PTPN22: variants seen among roughly 807,000 people sequenced by gnomAD.
The protein encoded by PTPN22 is tyrosine-protein phosphatase non-receptor type 22.
A neutral mutation model predicts 103.3 loss-of-function variants in PTPN22; 85 were observed. That is an observed-to-expected ratio of 0.82 (90% confidence interval 0.69 to 0.99). PTPN22 has a LOEUF of 0.99. Among genes scored for constraint, PTPN22 ranks in the 50% least tolerant of loss-of-function variants. The probability of loss-of-function intolerance (pLI) is 0.00; values close to 1 mark genes in which losing one functional copy is unlikely to be tolerated. For missense variants in PTPN22, 865 were observed against 936.9 expected (o/e 0.92, Z 1.00); for synonymous variants, 323 against 310.2 (o/e 1.04, Z -0.43).
exon 13 of PTPN22, chr1:113,837,969 A>C: frequency 6.2e-7 from 1 of 1,614,150 alleles, no homozygotes; most frequent in Non-Finnish European, 8.5e-7. Flanking sequence ...AACAAGAATC[A>C]TGTGGTTGAG....
intron 11 of PTPN22, among the ~76,000 whole-genome samples, chr1:113,847,451 A>G (rs1333417597): frequency 1.4e-5 from 2 of 145,948 alleles, no homozygotes; most frequent in African/African-American, 5.1e-5. Flanking sequence ...GTTGTCACCT[A>G]TTGTCCTTAT....
rs74163650 is a variant in PTPN22, at chr1:113,852,023, A to G, written c.828+4T>C. 1.6e-5 allele frequency: 25 copies of G among 1,599,782 alleles called. No homozygotes were observed. In the South Asian group the frequency reaches 1.7e-4, roughly 11 times the overall value. On this transcript the variant is annotated splice_donor_region_variant and intron_variant, in intron 10 of 20. Coordinates refer to ENST00000359785, the Ensembl canonical transcript of PTPN22. ...TGTTCTGATCCATTCACTATAGTTC[A>G]TACCTGCGTTTGAACTAATGAAGGC... is the stretch of plus-strand genomic sequence containing the variant.
At chr1:113,814,794 T>A in exon 21 of PTPN22, 3 of 858,840 alleles carry the variant, frequency 3.5e-6, no homozygotes, top group East Asian at 4.9e-5. Flanking sequence ...CATTAGCATA[T>A]CTTCATATTT....
At chr1:113,851,460 T>C (rs2102061720) in intron 10 of PTPN22, among the ~76,000 whole-genome samples, 2 of 152,296 alleles carry the variant, frequency 1.3e-5, no homozygotes, top group East Asian at 1.9e-4. Context: ...GGCCCAATTA[T>C]GTTTTTTCTT....
intron 1 of PTPN22, among the ~76,000 whole-genome samples, chr1:113,868,190 G>A (rs1398324468): frequency 6.6e-6 from 1 of 152,112 alleles, no homozygotes; most frequent in East Asian, 1.9e-4. Context: ...GTACAAAGAT[G>A]TATGGCCAAG....
intron 1 of PTPN22, among the ~76,000 whole-genome samples, chr1:113,861,879 T>C (rs1214467146): frequency 6.6e-6 from 1 of 152,088 alleles, no homozygotes; most frequent in Non-Finnish European, 1.5e-5. Flanking sequence ...GAAGAAAAGA[T>C]ATGAGATCTA....
At chr1:113,822,900 A>G (rs1480453227) in intron 19 of PTPN22, among the ~76,000 whole-genome samples, 1 of 152,174 alleles carries the variant, frequency 6.6e-6, no homozygotes, top group Non-Finnish European at 1.5e-5. Context: ...GGGAGGTTGC[A>G]GTGAGCCGAG....
At chr1:113,833,991 A>G (rs771100386) in intron 15 of PTPN22, among the ~76,000 whole-genome samples, 7 of 152,206 alleles carry the variant, frequency 4.6e-5, no homozygotes, top group Non-Finnish European at 5.9e-5. Context: ...ATCTTCCTTG[A>G]TCACTTCCAA....
At chr1:113,857,802 T>TA in intron 4 of PTPN22, 26 bp from the exon 5 acceptor site, 1 of 1,590,214 alleles carries the variant, frequency 6.3e-7, no homozygotes, top group Non-Finnish European at 8.6e-7. Context: ...GATAGAAACT[T>TA]AAACATTCAT....
intron 20 of PTPN22, among the ~76,000 whole-genome samples, chr1:113,817,041 A>G (rs534055140): frequency 6.6e-6 from 1 of 152,292 alleles, no homozygotes; most frequent in African/African-American, 2.4e-5. Context: ...ATAAAAAAAA[A>G]TTGGTGGAGG....
At chr1:113,814,858 T>A (rs1284933190) in exon 21 of PTPN22, 2 of 1,356,408 alleles carry the variant, frequency 1.5e-6, no homozygotes, top group Non-Finnish European at 2.1e-6. Context: ...AGTAGTTTTA[T>A]TTGCAGGTGT....
At chr1:113,851,185 C>T (rs1664536439) in intron 10 of PTPN22, among the ~76,000 whole-genome samples, 1 of 150,544 alleles carries the variant, frequency 6.6e-6, no homozygotes, top group Non-Finnish European at 1.5e-5. Context: ...CAGAGTCTCA[C>T]TCTGTTACCC....
Position 113,853,428 on chromosome 1 carries a change from G to A in PTPN22, c.750+1043C>T, listed in dbSNP as rs571982136. On this transcript the variant is annotated intron_variant, in intron 9 of 20. Coordinates refer to ENST00000359785, the Ensembl canonical transcript of PTPN22. Reference sequence around the variant, plus strand: ...TACAATGGCATGATCTTGGCTCACTGCAACCTCCACCTCCCAGGTTCAAGT... The same window carrying A: ...TACAATGGCATGATCTTGGCTCACTACAACCTCCACCTCCCAGGTTCAAGT... 1.5e-3 allele frequency among the ~76,000 whole-genome samples: 205 copies of A among 136,778 alleles called. 1 individual carries two copies. The highest frequency in any genetic ancestry group is 5.6e-3 in the African/African-American group (200 of 36,008). 89.7% of individuals were successfully genotyped at this position (136,778 alleles called of 152,430 possible).
intron 9 of PTPN22, 64 bp downstream of exon 9, chr1:113,854,407 A>G (rs1444756816): frequency 1.4e-6 from 2 of 1,445,338 alleles, no homozygotes; most frequent in African/African-American, 2.8e-5. Context: ...GAAAAACCAA[A>G]CAATTACTAA....
intron 1 of PTPN22, among the ~76,000 whole-genome samples, chr1:113,862,812 A>T (rs920316592): frequency 6.6e-6 from 1 of 152,164 alleles, no homozygotes; most frequent in African/African-American, 2.4e-5. Flanking sequence ...ATCAGGACAG[A>T]AGAAGTACAA....
At chr1:113,822,892 G>A (rs1198362160) in intron 19 of PTPN22, among the ~76,000 whole-genome samples, 1 of 152,188 alleles carries the variant, frequency 6.6e-6, no homozygotes, top group Non-Finnish European at 1.5e-5. Context: ...CTGGGAGGGG[G>A]AGGTTGCAGT....
chr1:113,823,420 A>G (rs891140348), intron 19 of PTPN22: 5 of 152,264 alleles, frequency 3.3e-5, no homozygotes, highest in Non-Finnish European at 7.3e-5. Flanking sequence ...GAGGACACAT[A>G]TGAAGTACAG....
intron 2 of PTPN22, 80 bp downstream of exon 2, chr1:113,859,272 C>T: frequency 6.5e-7 from 1 of 1,539,840 alleles, no homozygotes; most frequent in Non-Finnish European, 8.9e-7. Context: ...AGATCAGGAT[C>T]AGTAAGCAAT....
intron 9 of PTPN22, among the ~76,000 whole-genome samples, chr1:113,853,767 C>T (rs1571434371): frequency 2.0e-5 from 3 of 151,794 alleles, no homozygotes; most frequent in Middle Eastern, 6.8e-3. Flanking sequence ...CTGCAACCTC[C>T]GCCTCCCGGG....
Sources: allele counts gnomAD v4.1 joint callset (sites outside exome capture counted in the v4.1 genomes callset), GRCh38; gene constraint gnomAD v4.1.1; transcripts MANE v1.5; gene names NCBI Gene and HGNC (gene_info 2026-07-23, HGNC 2026-07-21).